PLN: variants seen among roughly 807,000 people sequenced by gnomAD.
The protein encoded by PLN is phospholamban, also known as cardiac phospholamban.
Under a neutral mutation model 3.9 loss-of-function variants are expected in PLN, and 1 was observed. The observed-to-expected ratio is 0.26, with a 90% confidence interval of 0.09 to 1.23. PLN has a LOEUF of 1.23. Among genes scored for constraint, PLN ranks in the 50% most tolerant of loss-of-function variants. The pLI is 0.48. For missense variants in PLN, 59 were observed against 62.7 expected (o/e 0.94, Z 0.20); for synonymous variants, 21 against 20.5 (o/e 1.02, Z -0.07).
At chr6:118,553,415 T>C (rs1778668165) in intron 1 of PLN, among the ~76,000 whole-genome samples, 1 of 152,194 alleles carries the variant, frequency 6.6e-6, no homozygotes, top group African/African-American at 2.4e-5. Context: ...GGATAAAATC[T>C]GGCCTAATTA....
rs773520639 is a variant in PLN at position 118,558,873 on chromosome 6, T to C, written c.-49T>C. On this transcript the variant is annotated 5_prime_UTR_variant, in exon 2 of 2. Coordinates refer to ENST00000357525, the MANE Select transcript of PLN (RefSeq NM_002667.5). ...CTCATATTTGGCTGCCAGCTTTTTA[T>C]CTTTCTCTCGACCACTTAAAACTTC... The C allele has an allele frequency of 3.4e-6, 5 of 1,490,630 alleles. No individual in the cohort carries two copies. The South Asian group carries it at 5.7e-5, about 17-fold the overall frequency. The allele number at this position is 1,490,630 out of a possible 1,614,324, so 92.3% of individuals were successfully genotyped here. A position where few individuals can be genotyped will look rare whatever the true frequency, so the allele number is the denominator to read the frequency against.
chr6:118,559,780 T>C lies in PLN; in HGVS notation c.*700T>C, dbSNP rs1779115934. ...AAGAATCACAGAATTCTAGTACATG[T>C]AGGTAAATCATAAATCTGTTCTAAG... On this transcript the variant is annotated 3_prime_UTR_variant, in exon 2 of 2. Coordinates refer to ENST00000357525, the MANE Select transcript of PLN (RefSeq NM_002667.5). The C allele has an allele frequency of 5.9e-6, 1 of 168,114 alleles. No individual in the cohort carries two copies. The highest frequency in any genetic ancestry group is 1.5e-5 in the Non-Finnish European group (1 of 68,898). The allele number at this position is 168,114 out of a possible 1,614,324, so 10.4% of individuals were successfully genotyped here.
chr6:118,552,664 T>A (rs373662104), intron 1 of PLN, among the ~76,000 whole-genome samples: 19 of 152,210 alleles, frequency 1.2e-4, no homozygotes, highest in African/African-American at 4.6e-4. Context: ...AACTTGATTT[T>A]TTTTTTAATT....
intron 1 of PLN, among the ~76,000 whole-genome samples, chr6:118,549,538 T>G (rs911814755): frequency 5.9e-5 from 9 of 151,978 alleles, no homozygotes; most frequent in African/African-American, 2.2e-4. Flanking sequence ...ATGTTAATTC[T>G]ATTGCTCACT....
In PLN at chr6:118,561,617, A is replaced by G. The variant is rs1000100235; in HGVS notation, c.*2537A>G. The stretch of plus-strand genomic sequence containing the variant: ...ACAGGGCACTAAAAACAATTTTAAA[A>G]TGCTTAATGTTGCCTTTTATATTTT... On this transcript the variant is annotated 3_prime_UTR_variant, in exon 2 of 2. Transcript: ENST00000357525. Among the ~76,000 whole-genome samples, 117 of 152,280 alleles carry G rather than the reference A, an allele frequency of 7.7e-4. No homozygotes were observed. Among genetic ancestry groups the G allele is most frequent in the African/African-American group, 2.7e-3 (113 of 41,582 alleles).
chr6:118,550,145 T>G (rs575356779), intron 1 of PLN, among the ~76,000 whole-genome samples: 2 of 151,910 alleles, frequency 1.3e-5, no homozygotes, highest in Non-Finnish European at 2.9e-5. Flanking sequence ...AGTACTTGCT[T>G]TACTAAAAGG....
Position 118,561,369 on chromosome 6 carries a change from A to C in PLN, c.*2289A>C, listed in dbSNP as rs1779212443. ...ATATTTTTCTCAGTAAACAGAAATAACTAATTTTTTTGTTCTTCATTCTTT... is the reference window on the plus strand; with the variant it reads ...ATATTTTTCTCAGTAAACAGAAATACCTAATTTTTTTGTTCTTCATTCTTT... On this transcript the variant is annotated 3_prime_UTR_variant, in exon 2 of 2. Coordinates refer to ENST00000357525, the MANE Select transcript of PLN (RefSeq NM_002667.5). Among the ~76,000 whole-genome samples the C allele has an allele frequency of 6.6e-6, 1 of 152,150 alleles. No individual in the cohort carries two copies. The highest frequency in any genetic ancestry group is 1.5e-5 in the Non-Finnish European group (1 of 68,008).
chr6:118,555,854 A>C (rs545324062), intron 1 of PLN, among the ~76,000 whole-genome samples: 1 of 152,068 alleles, frequency 6.6e-6, no homozygotes, highest in African/African-American at 2.4e-5. Context: ...CTTTGTGTTC[A>C]TAAGTTCTTA....
intron 1 of PLN, among the ~76,000 whole-genome samples, chr6:118,550,811 T>C (rs1424085052): frequency 6.6e-6 from 1 of 151,924 alleles, no homozygotes; most frequent in African/African-American, 2.4e-5. Flanking sequence ...ACTTCTATTT[T>C]AATTAAAAGC....
chr6:118,560,020 A>G lies in PLN; in HGVS notation c.*940A>G. Reference sequence around the variant, plus strand: ...AGGTTGTCTTCCATTCCAGCCTAACATCCAATGCAGGCAAGGAAAATAAAA... The same window carrying G: ...AGGTTGTCTTCCATTCCAGCCTAACGTCCAATGCAGGCAAGGAAAATAAAA... On this transcript the variant is annotated 3_prime_UTR_variant, in exon 2 of 2. Transcript: ENST00000357525. 1 of 167,240 alleles carries G rather than the reference A, an allele frequency of 6.0e-6. No homozygotes were observed. 10.4% of individuals were successfully genotyped at this position (167,240 alleles called of 1,614,324 possible). A position where few individuals can be genotyped will look rare whatever the true frequency, so the allele number is the denominator to read the frequency against.
At chr6:118,556,559 T>C (rs1778889471) in intron 1 of PLN, among the ~76,000 whole-genome samples, 1 of 152,214 alleles carries the variant, frequency 6.6e-6, no homozygotes, top group Non-Finnish European at 1.5e-5. Context: ...TTTGCCATTC[T>C]TTCAGCACTT....
chr6:118,557,118 G>C (rs1364076902), intron 1 of PLN, among the ~76,000 whole-genome samples: 1 of 152,072 alleles, frequency 6.6e-6, no homozygotes, highest in Non-Finnish European at 1.5e-5. Context: ...TTATTAAAAT[G>C]TTACTTAAGA....
At position 118,559,833 on chromosome 6, in the gene PLN, G is replaced by C. The variant is rs748689128; in HGVS notation, c.*753G>C. On this transcript the variant is annotated 3_prime_UTR_variant, in exon 2 of 2. Transcript: ENST00000357525. Reference sequence around the variant, plus strand: ...ATATGATCAACAGATGAGAACTGGTGGTTAATATGTGACAGTGAGATTAGT... The same window carrying C: ...ATATGATCAACAGATGAGAACTGGTCGTTAATATGTGACAGTGAGATTAGT... 1 of 167,052 alleles carries C rather than the reference G, an allele frequency of 6.0e-6. No homozygotes were observed. The highest frequency in any genetic ancestry group is 1.5e-5 in the Non-Finnish European group (1 of 68,198). The allele number at this position is 167,052 out of a possible 1,614,324, so 10.3% of individuals were successfully genotyped here.
intron 1 of PLN, among the ~76,000 whole-genome samples, chr6:118,554,053 G>C (rs998185196): frequency 1.3e-5 from 2 of 152,102 alleles, no homozygotes. Context: ...ATTCACACTT[G>C]TAATCCCAGG....
intron 1 of PLN, among the ~76,000 whole-genome samples, chr6:118,550,995 A>C (rs563638470): frequency 1.3e-5 from 2 of 151,998 alleles, no homozygotes; most frequent in East Asian, 3.9e-4. Context: ...GACTTTAAAA[A>C]AAATAACACA....
intron 1 of PLN, among the ~76,000 whole-genome samples, chr6:118,557,073 C>T (rs1778923050): frequency 6.6e-6 from 1 of 152,080 alleles, no homozygotes; most frequent in African/African-American, 2.4e-5. Context: ...CTATGTGTTC[C>T]AAGCTTGACA....
intron 1 of PLN, among the ~76,000 whole-genome samples, chr6:118,557,824 T>G (rs1053547709): frequency 1.5e-4 from 23 of 152,248 alleles, no homozygotes; most frequent in African/African-American, 5.5e-4. Flanking sequence ...CCCACCGTAT[T>G]TGAATTGTTT....
chr6:118,558,656 C>CAGAGAGAGAG (rs1413401167), intron 1 of PLN, among the ~76,000 whole-genome samples, 169 bp from the exon 2 acceptor site: 2 of 133,862 alleles, frequency 1.5e-5, no homozygotes, highest in Non-Finnish European at 3.1e-5. Flanking sequence ...CACACACACA[C>CAGAGAGAGAG]ACACAGAGAG....
chr6:118,556,693 T>C (rs1248749264), intron 1 of PLN, among the ~76,000 whole-genome samples: 1 of 152,182 alleles, frequency 6.6e-6, no homozygotes, highest in East Asian at 1.9e-4. Context: ...AAGGTAGTAA[T>C]ATGTTGATTA....
Sources: allele counts gnomAD v4.1 joint callset (sites outside exome capture counted in the v4.1 genomes callset), GRCh38; gene constraint gnomAD v4.1.1; transcripts MANE v1.5; gene names NCBI Gene and HGNC (gene_info 2026-07-23, HGNC 2026-07-21).